Variants in DLC1 observed in about 807,000 individuals in gnomAD.
DLC1 encodes rho GTPase-activating protein 7.
A neutral mutation model predicts 140.3 loss-of-function variants in DLC1; 54 were observed. The ratio of observed to expected loss-of-function variants is 0.38; its 90% CI spans 0.31 to 0.48. DLC1 has a LOEUF of 0.48. DLC1 is among the 20% of genes least tolerant of loss of function. The pLI is 0.96. For missense variants in DLC1, 2,536 were observed against 1,907.0 expected (o/e 1.33, Z -6.14); for synonymous variants, 986 against 728.1 (o/e 1.35, Z -5.70).
intron 4 of DLC1, among the ~76,000 whole-genome samples, chr8:13,339,145 A>G (rs1291908398): frequency 6.6e-6 from 1 of 152,208 alleles, no homozygotes; most frequent in Non-Finnish European, 1.5e-5. Context: ...AATTATGCAA[A>G]CCAAACTACT....
At position 13,086,426 on chromosome 8, in the gene DLC1, G is replaced by C; in HGVS notation, c.4330C>G (p.Leu1444Val). ...RTNLPKGACALLLTSVDHDRA... is the reference protein window; with the variant it reads ...RTNLPKGACAVLLTSVDHDRA... ...TCGTGATCCACAGAGGTTAGTAAAA[G>C]GGCACAGGCTCCTTTGGGTAAATTA... is the stretch of plus-strand genomic sequence containing the variant. Residue 1444 changes from leucine to valine, a missense_variant, in exon 17 of 18, where the codon CTT (leucine) becomes GTT (valine). By Grantham distance (32) the Leu-to-Val change is conservative. Transcript: ENST00000276297. 1.2e-6 allele frequency: 2 copies of C among 1,614,210 alleles called. No homozygotes were observed. Among genetic ancestry groups the C allele is most frequent in the Non-Finnish European group, 1.7e-6 (2 of 1,180,040 alleles).
intron 5 of DLC1, among the ~76,000 whole-genome samples, chr8:13,138,125 C>T (rs1356387164): frequency 6.6e-6 from 1 of 152,106 alleles, no homozygotes; most frequent in East Asian, 1.9e-4. Flanking sequence ...ATTTTTCCCA[C>T]TGTAATATGT....
intron 5 of DLC1, among the ~76,000 whole-genome samples, chr8:13,283,264 G>A (rs1382919020): frequency 2.0e-5 from 3 of 151,378 alleles, no homozygotes; most frequent in Admixed American, 6.6e-5. Context: ...TTTGCAGGTC[G>A]ACTTCTGTGT....
chr8:13,298,620 G>C (rs574961118), intron 5 of DLC1, among the ~76,000 whole-genome samples: 1 of 152,256 alleles, frequency 6.6e-6, no homozygotes, highest in African/African-American at 2.4e-5. Context: ...TAACAGAAAA[G>C]ACGTAGCTTT....
chr8:13,294,292 T>C (rs930586529), intron 5 of DLC1, among the ~76,000 whole-genome samples: 4 of 152,226 alleles, frequency 2.6e-5, no homozygotes, highest in African/African-American at 9.6e-5. Context: ...TGCACCGTAC[T>C]GTGCTACATC....
intron 5 of DLC1, among the ~76,000 whole-genome samples, chr8:13,201,345 C>A (rs754821754): frequency 6.6e-6 from 1 of 151,940 alleles, no homozygotes; most frequent in African/African-American, 2.4e-5. Context: ...TTAAAATATT[C>A]ATTACAGTTC....
chr8:13,299,902 A>G (rs1485760863), intron 5 of DLC1, among the ~76,000 whole-genome samples: 1 of 152,166 alleles, frequency 6.6e-6, no homozygotes, highest in Non-Finnish European at 1.5e-5. Context: ...TGAACCAGAA[A>G]TGCCACTGAG....
intron 5 of DLC1, among the ~76,000 whole-genome samples, chr8:13,218,725 G>A (rs930119339): frequency 6.8e-6 from 1 of 147,092 alleles, no homozygotes; most frequent in Non-Finnish European, 1.5e-5. Context: ...TTCTTAATAA[G>A]TTAAATATAT....
At chr8:13,299,203 G>T (rs934570489) in intron 5 of DLC1, among the ~76,000 whole-genome samples, 1 of 152,024 alleles carries the variant, frequency 6.6e-6, no homozygotes, top group African/African-American at 2.4e-5. Flanking sequence ...AGCACTTTGG[G>T]AGGCCAAGGC....
At chr8:13,327,958 C>A (rs1038151595) in intron 4 of DLC1, among the ~76,000 whole-genome samples, 1 of 152,180 alleles carries the variant, frequency 6.6e-6, no homozygotes, top group East Asian at 1.9e-4. Context: ...AAGAGCACTC[C>A]TCAGACTGGG....
chr8:13,129,650 C>G (rs1821914947), intron 5 of DLC1, among the ~76,000 whole-genome samples: 1 of 152,194 alleles, frequency 6.6e-6, no homozygotes, highest in Non-Finnish European at 1.5e-5. Flanking sequence ...GCACACATTA[C>G]AAATGAAAAT....
intron 5 of DLC1, among the ~76,000 whole-genome samples, chr8:13,138,097 C>T (rs952109801): frequency 7.9e-5 from 12 of 152,134 alleles, no homozygotes; most frequent in Non-Finnish European, 1.8e-4. Context: ...TTGATACTGT[C>T]CAAGGATACT....
At chr8:13,425,467 C>T (rs1838527140) in intron 2 of DLC1, among the ~76,000 whole-genome samples, 1 of 152,176 alleles carries the variant, frequency 6.6e-6, no homozygotes, top group African/African-American at 2.4e-5. Flanking sequence ...CACTGTCTGA[C>T]ATCTTCAAGA....
chr8:13,250,308 G>A (rs1341488738), intron 5 of DLC1, among the ~76,000 whole-genome samples: 1 of 152,172 alleles, frequency 6.6e-6, no homozygotes, highest in Non-Finnish European at 1.5e-5. Context: ...CTTCTGCAAA[G>A]ACCTTGGAGA....
rs138712845 is a variant in DLC1, at chr8:13,572,739, C to G, written c.-126+31798G>C. 1.3e-3 allele frequency among the ~76,000 whole-genome samples: 200 copies of G among 152,190 alleles called. 2 individuals carry two copies. Among genetic ancestry groups the G allele is most frequent in the African/African-American group, 4.7e-3 (194 of 41,546 alleles). ...CCATATGATTGTTGAAGATTCTGTT[C>G]TTTCCCCCATTGAATGGTCTTAGCA... On this transcript the variant is annotated intron_variant, in intron 1 of 1. Coordinates refer to the DLC1 transcript ENST00000631382.
In DLC1 at chr8:13,499,248, C is replaced by A; in HGVS notation, c.824G>T (p.Gly275Val). 1 of 1,614,174 alleles carries A rather than the reference C, an allele frequency of 6.2e-7. No homozygotes were observed. The highest frequency in any genetic ancestry group is 8.5e-7 in the Non-Finnish European group (1 of 1,180,022). The change falls in exon 2 of 18, where the codon GGA (glycine) becomes GTA (valine). Residue 275 changes from glycine (G) to valine (V), a missense_variant. By Grantham distance (109) the Gly-to-Val change is moderately radical (BLOSUM62 -3). Coordinates refer to ENST00000276297, the MANE Select transcript of DLC1 (RefSeq NM_182643.3). The part of the protein sequence containing the change: ...RGLPLLKTDF[G>V]SCLLQPPSCP... The stretch of plus-strand genomic sequence containing the variant: ...GGAAGGAGGCTGCAGAAGGCAGCTT[C>A]CAAAATCTGTTTTTAATAATGGCAG...
rs1563454279 is a variant in DLC1 at position 13,579,464 on chromosome 8, CATT to C, written c.-126+25070_-126+25072del. 2.0e-3 allele frequency among the ~76,000 whole-genome samples: 54 copies of C among 26,964 alleles called. 7 individuals are homozygous for C. Among genetic ancestry groups the C allele is most frequent in the African/African-American group, 0.011 (53 of 4,646 alleles). 17.7% of individuals were successfully genotyped at this position (26,964 alleles called of 152,430 possible). On this transcript the variant is annotated intron_variant, in intron 1 of 1. Transcript: ENST00000631382. ...TATATTTTATATTATATATTTAATA[CATT>C]ATATTTTATATTATATATTTAATAT... is the stretch of plus-strand genomic sequence containing the variant.
rs191679341 is a variant in DLC1 at position 13,573,280 on chromosome 8, A to G, written c.-126+31257T>C. On this transcript the variant is annotated intron_variant, in intron 1 of 1. Transcript: ENST00000631382. ...TTTGGATTGTTCATTTCTATTGTATAAACATACAGTTGATTTTTGCATGCT... is the reference window on the plus strand; with the variant it reads ...TTTGGATTGTTCATTTCTATTGTATGAACATACAGTTGATTTTTGCATGCT... 3.9e-5 allele frequency among the ~76,000 whole-genome samples: 6 copies of G among 152,304 alleles called. No homozygotes were observed. The East Asian group carries it at 1.2e-3, about 29-fold the overall frequency.
At chr8:13,529,321 T>A (rs2117302581) in intron 1 of DLC1, among the ~76,000 whole-genome samples, 1 of 152,316 alleles carries the variant, frequency 6.6e-6, no homozygotes, top group Admixed American at 6.5e-5. Flanking sequence ...CCTGATAATT[T>A]CTATAATTAG....
Sources: gnomAD v4.1 joint callset for allele counts (sites outside exome capture counted in the v4.1 genomes callset) on GRCh38, gnomAD v4.1.1 for gene constraint, MANE v1.5 for transcripts, NCBI Gene and HGNC (gene_info 2026-07-23, HGNC 2026-07-21) for gene names.